SOBP: variants seen among roughly 807,000 people sequenced by gnomAD.
SOBP encodes the protein sine oculis-binding protein homolog.
Under a neutral mutation model 53.6 loss-of-function variants are expected in SOBP, and 4 were observed. That is an observed-to-expected ratio of 0.07 (90% CI 0.04 to 0.17). SOBP has a LOEUF of 0.17. SOBP is among the 10% of genes least tolerant of loss of function. The pLI is 1.00. For missense variants in SOBP, 1,088 were observed against 1,204.7 expected, an observed-to-expected ratio of 0.90 and a Z score of 1.43; for synonymous variants, 584 against 522.6, an observed-to-expected ratio of 1.12 and a Z score of -1.60.
chr6:107,540,955 C>G (rs1315330422), intron 4 of SOBP, among the ~76,000 whole-genome samples: 2 of 152,166 alleles, frequency 1.3e-5, no homozygotes, highest in Non-Finnish European at 2.9e-5. Context: ...AAATAAATTT[C>G]TTTAAAGTGA....
chr6:107,526,059 T>A (rs1276582884), intron 3 of SOBP, among the ~76,000 whole-genome samples: 1 of 152,138 alleles, frequency 6.6e-6, no homozygotes, highest in African/African-American at 2.4e-5. Flanking sequence ...GCGATTCTCC[T>A]GCCTCAGCCT....
chr6:107,601,347 T>G (rs1021622044), intron 5 of SOBP, among the ~76,000 whole-genome samples: 1 of 152,136 alleles, frequency 6.6e-6, no homozygotes, highest in Non-Finnish European at 1.5e-5. Context: ...CATATGAGAG[T>G]AGGGCCTGGA....
Position 107,634,086 on chromosome 6 carries a change from G to A in SOBP, c.1242G>A (p.Gly414=), listed in dbSNP as rs1252888121. The change falls in exon 6 of 7, where the codon GGG becomes GGA. Residue 414 remains glycine, a synonymous_variant. Transcript: ENST00000317357. This position sits in a 1 kb window ranked among gnomAD's most constrained non-coding sequence, Gnocchi z 4.5. ...AGATCCGCCCGCCCTTCATCCGCGG[G>A]CCTCCGCACCATGCCTCCAACCCCA... ...MQQIRPPFIR[G]PPHHASNPNS... 1 of 1,598,568 alleles carries A rather than the reference G, an allele frequency of 6.3e-7. No homozygotes were observed. Among genetic ancestry groups the A allele is most frequent in the Admixed American group, 1.7e-5 (1 of 59,184 alleles).
At chr6:107,505,931 G>A (rs1308054165) in intron 2 of SOBP, among the ~76,000 whole-genome samples, 5 of 152,140 alleles carry the variant, frequency 3.3e-5, no homozygotes, top group East Asian at 1.9e-4. Flanking sequence ...GATTACAGGC[G>A]TGAGCCACCT....
chr6:107,541,226 A>G (rs1343541312), intron 4 of SOBP, among the ~76,000 whole-genome samples: 1 of 152,214 alleles, frequency 6.6e-6, no homozygotes, highest in Non-Finnish European at 1.5e-5. Flanking sequence ...CGAATAGAGG[A>G]AAATATAGTT....
chr6:107,512,209 A>T (rs939029357), intron 3 of SOBP, among the ~76,000 whole-genome samples: 3 of 152,242 alleles, frequency 2.0e-5, no homozygotes, highest in African/African-American at 7.2e-5. Flanking sequence ...TCATGAACAT[A>T]ATCTGAAGTG....
chr6:107,509,937 A>G (rs769343045), intron 3 of SOBP: 6 of 152,200 alleles, frequency 3.9e-5, no homozygotes, highest in African/African-American at 7.2e-5. Context: ...ACTCTGTCCT[A>G]CTCAAGGGTT....
chr6:107,556,396 T>G (rs1583208245), intron 4 of SOBP, among the ~76,000 whole-genome samples: 1 of 152,376 alleles, frequency 6.6e-6, no homozygotes, highest in Non-Finnish European at 1.5e-5. Flanking sequence ...GTGCTATACT[T>G]CTGTGCACAC....
rs1472224537 is a variant in SOBP, at chr6:107,634,889, C to T, written c.2045C>T (p.Pro682Leu). 2 of 1,321,326 alleles carry T rather than the reference C, an allele frequency of 1.5e-6. No homozygotes were observed. The highest frequency in any genetic ancestry group is 3.7e-5 in the East Asian group (1 of 27,338). The allele number at this position is 1,321,326 out of a possible 1,614,324, so 81.9% of individuals were successfully genotyped here. A position where few individuals can be genotyped will look rare whatever the true frequency, so the allele number is the denominator to read the frequency against. The change falls in exon 6 of 7, where the codon CCG (proline) becomes CTG (leucine). Residue 682 changes from proline (P) to leucine (L), a missense_variant. Physicochemically the swap from Pro to Leu is moderately conservative, Grantham distance 98. Around this residue, in one of 6 missense-constraint regions of SOBP, gnomAD observed 665 missense variants for 629.7 expected, o/e 1.06. Transcript: ENST00000317357. The surrounding 1 kb of genome is among the most constrained non-coding windows in gnomAD (Gnocchi z 4.5). Reference protein sequence around the residue: ...LHAHVKAEREPSAAERRTCGG... With the variant: ...LHAHVKAERELSAAERRTCGG... ...GCGCACGTCAAGGCGGAGCGCGAGC[C>T]GAGCGCCGCGGAGCGCAGGACCTGC...
At chr6:107,534,134 A>G (rs1783923243) in intron 4 of SOBP, among the ~76,000 whole-genome samples, 1 of 152,242 alleles carries the variant, frequency 6.6e-6, no homozygotes, top group Admixed American at 6.5e-5. Flanking sequence ...TTGAGAAAAG[A>G]TGAAATCATG....
At chr6:107,583,366 C>G (rs9373954) in intron 4 of SOBP, among the ~76,000 whole-genome samples, 37,602 of 151,992 alleles carry the variant, frequency 0.25, 5,167 homozygotes, top group South Asian at 0.57. Context: ...AGAAGGACCA[C>G]AGAGGAGATA....
chr6:107,575,829 A>G (rs1398060358), intron 4 of SOBP, among the ~76,000 whole-genome samples: 1 of 152,212 alleles, frequency 6.6e-6, no homozygotes, highest in Non-Finnish European at 1.5e-5. Context: ...TGTTGGCTTC[A>G]ACAGGCGTGT....
chr6:107,498,999 T>A (rs780205279), intron 1 of SOBP, among the ~76,000 whole-genome samples: 5 of 152,194 alleles, frequency 3.3e-5, no homozygotes, highest in Non-Finnish European at 4.4e-5. Flanking sequence ...AGCACCCCTG[T>A]TAAGGAAACT....
At chr6:107,529,812 C>G (rs1783767889) in intron 3 of SOBP, among the ~76,000 whole-genome samples, 1 of 152,028 alleles carries the variant, frequency 6.6e-6, no homozygotes, top group South Asian at 2.1e-4. Flanking sequence ...ATCTGAACTT[C>G]TGGGATGTAA....
At chr6:107,648,380 ATCTCCCAC>A (rs1375980714) in intron 6 of SOBP, among the ~76,000 whole-genome samples, 10 of 151,306 alleles carry the variant, frequency 6.6e-5, no homozygotes, top group African/African-American at 2.4e-4. Context: ...AGGATTTAGC[ATCTCCCAC>A]TTTAACAGGG....
At chr6:107,639,602 T>C (rs1051870256) in intron 6 of SOBP, among the ~76,000 whole-genome samples, 5 of 152,238 alleles carry the variant, frequency 3.3e-5, no homozygotes, top group African/African-American at 1.2e-4. Context: ...TTTTCCGAAC[T>C]ATTCTATCCA....
Position 107,490,489 on chromosome 6 carries a change from C to G in SOBP, c.-128C>G. 1 of 702,682 alleles carries G rather than the reference C, an allele frequency of 1.4e-6. No individual in the cohort carries two copies. Among genetic ancestry groups the G allele is most frequent in the Non-Finnish European group, 2.5e-6 (1 of 398,990 alleles). 43.5% of individuals were successfully genotyped at this position (702,682 alleles called of 1,614,324 possible). ...CTCCCCCTCGCGGCTCGGTCCGGCC[C>G]CGCCAGCACCGCTACCTCCGCCAGC... is the stretch of plus-strand genomic sequence containing the variant. On this transcript the variant is annotated 5_prime_UTR_variant, in exon 1 of 7. Transcript: ENST00000317357.
intron 4 of SOBP, among the ~76,000 whole-genome samples, chr6:107,541,373 C>T (rs540807072): frequency 9.9e-5 from 15 of 152,240 alleles, no homozygotes; most frequent in African/African-American, 3.6e-4. Context: ...CACCTTTGAT[C>T]GTAGAAAAAC....
chr6:107,618,490 T>C (rs1273920954), intron 5 of SOBP, among the ~76,000 whole-genome samples: 2 of 152,198 alleles, frequency 1.3e-5, no homozygotes, highest in African/African-American at 4.8e-5. Flanking sequence ...AAGGAAGAGA[T>C]AAAATGATCA....
Sources: allele counts gnomAD v4.1 joint callset (sites outside exome capture counted in the v4.1 genomes callset), GRCh38; gene constraint gnomAD v4.1.1; regional missense constraint gnomAD v4.1.1; non-coding constraint Gnocchi (gnomAD v3.1); transcripts MANE v1.5; gene names NCBI Gene and HGNC (gene_info 2026-07-23, HGNC 2026-07-21).